The following ZNF521 variants were observed in gnomAD, a reference collection of about 807,000 sequenced individuals.
The protein encoded by ZNF521 is LYST-interacting protein 3.
In ZNF521, 14 loss-of-function variants were observed where a neutral mutation model predicts 105.5. The ratio of observed to expected loss-of-function variants is 0.13; its 90% CI spans 0.09 to 0.21. The LOEUF (loss-of-function observed/expected upper bound fraction) is 0.21. Ranked by LOEUF, ZNF521 falls within the 10% of genes least tolerant of loss-of-function variation. ZNF521 has a pLI of 1.00. For synonymous variants in ZNF521, 635 were observed against 606.0 expected (o/e 1.05, Z -0.70); for missense variants, 1,233 against 1,629.7 (o/e 0.76, Z 4.19).
intron 3 of ZNF521, among the ~76,000 whole-genome samples, chr18:25,286,038 C>T (rs939575413): frequency 4.6e-5 from 7 of 152,176 alleles, no homozygotes; most frequent in Non-Finnish European, 8.8e-5. Context: ...AAAGTGCTGC[C>T]GTGGCAACAG....
intron 5 of ZNF521, among the ~76,000 whole-genome samples, chr18:25,118,556 T>C (rs2034373449): frequency 6.6e-6 from 1 of 152,004 alleles, no homozygotes; most frequent in African/African-American, 2.4e-5. Context: ...AATAAAGTGG[T>C]AAGATATTAA....
At chr18:25,303,176 TCTTGGTG>T (rs1568066329) in intron 3 of ZNF521, among the ~76,000 whole-genome samples, 3 of 151,982 alleles carry the variant, frequency 2.0e-5, no homozygotes, top group Admixed American at 1.3e-4. Context: ...AAGAAAAAAG[TCTTGGTG>T]CCTAAAGGAC....
At chr18:25,199,762 T>C in intron 4 of ZNF521, among the ~76,000 whole-genome samples, 1 of 152,116 alleles carries the variant, frequency 6.6e-6, no homozygotes, top group Non-Finnish European at 1.5e-5. Context: ...TCTCCACTAT[T>C]CACTTTAGAC....
chr18:25,155,427 C>T (rs1050381952), intron 5 of ZNF521, among the ~76,000 whole-genome samples: 1 of 151,946 alleles, frequency 6.6e-6, no homozygotes, highest in African/African-American at 2.4e-5. Context: ...TTTGATGTAG[C>T]CCTATTTATT....
rs568287862 is a variant in ZNF521 at position 25,074,259 on chromosome 18, T to C, written c.3907-11518A>G. ...ACTTATTCCTGCATGGAGAATGCAA[T>C]TAGAAGGAGCCCCAAGTAATTCTTG... On this transcript the variant is annotated intron_variant, in intron 7 of 7. Coordinates refer to ENST00000361524, the MANE Select transcript of ZNF521 (RefSeq NM_015461.3). 8.5e-5 allele frequency among the ~76,000 whole-genome samples: 13 copies of C among 152,364 alleles called. No individual in the cohort carries two copies. In the South Asian group the frequency reaches 2.7e-3, roughly 32 times the overall value.
chr18:25,232,183 G>A (rs1906579301), intron 3 of ZNF521, among the ~76,000 whole-genome samples: 1 of 152,184 alleles, frequency 6.6e-6, no homozygotes, highest in South Asian at 2.1e-4. Flanking sequence ...AGATCCTGGA[G>A]TTTTATTTCT....
chr18:25,200,007 T>C (rs1464992767), intron 4 of ZNF521, among the ~76,000 whole-genome samples: 1 of 151,894 alleles, frequency 6.6e-6, no homozygotes, highest in Non-Finnish European at 1.5e-5. Flanking sequence ...CTGTTAAGAG[T>C]AGATAAAGGA....
chr18:25,233,241 A>C (rs577307790), intron 3 of ZNF521, among the ~76,000 whole-genome samples: 1 of 152,320 alleles, frequency 6.6e-6, no homozygotes, highest in South Asian at 2.1e-4. Flanking sequence ...CTAAAAAAAA[A>C]CTATTATACA....
At chr18:25,088,686 C>T (rs1396043805) in intron 7 of ZNF521, among the ~76,000 whole-genome samples, 1 of 151,900 alleles carries the variant, frequency 6.6e-6, no homozygotes, top group East Asian at 1.9e-4. Context: ...CTTTATAATA[C>T]ATGATACTTC....
At chr18:25,185,830 T>C (rs2035712608) in intron 5 of ZNF521, among the ~76,000 whole-genome samples, 1 of 152,160 alleles carries the variant, frequency 6.6e-6, no homozygotes, top group African/African-American at 2.4e-5. Flanking sequence ...AAGTTTTTCC[T>C]TAGTGAAATA....
chr18:25,144,504 T>C (rs910084972), intron 5 of ZNF521, among the ~76,000 whole-genome samples: 7 of 152,156 alleles, frequency 4.6e-5, no homozygotes, highest in Admixed American at 2.6e-4. Flanking sequence ...CATATCTTTA[T>C]CAAGAAAAGT....
intron 4 of ZNF521, among the ~76,000 whole-genome samples, chr18:25,212,565 A>ATATATATGTGTG (rs1227568202): frequency 3.4e-4 from 38 of 112,872 alleles, no homozygotes; most frequent in African/African-American, 1.3e-3. Flanking sequence ...ATATATATAT[A>ATATATATGTGTG]TGTATAGAAA....
intron 2 of ZNF521, among the ~76,000 whole-genome samples, chr18:25,350,552 T>C (rs772026886): frequency 6.6e-6 from 1 of 152,218 alleles, no homozygotes. Flanking sequence ...ACAGAAACTT[T>C]TTCCTCCAGC....
chr18:25,229,182 A>C (rs1440937121), intron 3 of ZNF521, among the ~76,000 whole-genome samples: 1 of 152,218 alleles, frequency 6.6e-6, no homozygotes, highest in African/African-American at 2.4e-5. Flanking sequence ...GCTTTCTTTA[A>C]GGTAACAAGA....
chr18:25,326,047 T>G (rs1263907144), intron 2 of ZNF521, among the ~76,000 whole-genome samples: 1 of 152,182 alleles, frequency 6.6e-6, no homozygotes, highest in Non-Finnish European at 1.5e-5. Context: ...TAATTTCAAG[T>G]GTGGGATCAG....
chr18:25,323,215 A>T (rs1160308774), intron 2 of ZNF521, among the ~76,000 whole-genome samples: 2 of 152,120 alleles, frequency 1.3e-5, no homozygotes, highest in Admixed American at 6.5e-5. Context: ...CTCCAAAGTC[A>T]TAAATAAACT....
chr18:25,246,722 T>C (rs140425286), intron 3 of ZNF521, among the ~76,000 whole-genome samples: 1 of 152,360 alleles, frequency 6.6e-6, no homozygotes, highest in East Asian at 1.9e-4. Context: ...GCCAATTTAA[T>C]GTGAGCATTG....
chr18:25,194,242 T>A (rs1600140978), intron 5 of ZNF521, among the ~76,000 whole-genome samples: 1 of 151,720 alleles, frequency 6.6e-6, no homozygotes, highest in Non-Finnish European at 1.5e-5. Flanking sequence ...TAATTATTTA[T>A]GGTATTATGA....
At chr18:25,092,462 T>C (rs915896696) in intron 5 of ZNF521, among the ~76,000 whole-genome samples, 1 of 152,164 alleles carries the variant, frequency 6.6e-6, no homozygotes, top group African/African-American at 2.4e-5. Flanking sequence ...GATTCTACTC[T>C]GGCTTATCCA....
Sources: allele counts gnomAD v4.1 joint callset (sites outside exome capture counted in the v4.1 genomes callset), GRCh38; gene constraint gnomAD v4.1.1; transcripts MANE v1.5; gene names NCBI Gene and HGNC (gene_info 2026-07-23, HGNC 2026-07-21).